Variants in MAGI1 observed in about 807,000 individuals in gnomAD.
MAGI1 encodes the protein membrane associated guanylate kinase, WW and PDZ domain containing 1.
In MAGI1, 58 loss-of-function variants were observed where a neutral mutation model predicts 139.9. That is an observed-to-expected ratio of 0.41 (90% CI 0.34 to 0.52). MAGI1 has a LOEUF of 0.52. Ranked by LOEUF, MAGI1 falls within the 20% of genes least tolerant of loss-of-function variation. The probability of loss-of-function intolerance (pLI) is 0.12; values close to 1 mark genes in which losing one functional copy is unlikely to be tolerated. For synonymous variants in MAGI1, 812 were observed against 737.9 expected, an observed-to-expected ratio of 1.10 and a Z score of -1.63; for missense variants, 1,874 against 1,901.6, an observed-to-expected ratio of 0.99 and a Z score of 0.27.
intron 1 of MAGI1, chr3:65,925,309 T>G (rs954057969): frequency 5.9e-5 from 9 of 152,346 alleles, no homozygotes; most frequent in South Asian, 2.1e-4. Context: ...GTAGTGTTTT[T>G]TTTTGTTTTG....
At chr3:65,425,758 A>G (rs1195940838) in intron 12 of MAGI1, among the ~76,000 whole-genome samples, 1 of 152,130 alleles carries the variant, frequency 6.6e-6, no homozygotes, top group Non-Finnish European at 1.5e-5. Context: ...CATTTTAAAG[A>G]GTGTCACACC....
At chr3:65,529,942 C>A (rs2078564279) in intron 2 of MAGI1, among the ~76,000 whole-genome samples, 1 of 152,148 alleles carries the variant, frequency 6.6e-6, no homozygotes, top group Non-Finnish European at 1.5e-5. Context: ...CTGATCTTGA[C>A]CCTCTCCCAC....
chr3:65,516,468 T>G (rs1340697945), intron 2 of MAGI1, among the ~76,000 whole-genome samples: 6 of 151,680 alleles, frequency 4.0e-5, no homozygotes, highest in Admixed American at 3.9e-4. Flanking sequence ...TGAGCCACCG[T>G]GCCTGGCCGA....
chr3:65,582,030 A>G (rs973632338), intron 2 of MAGI1, among the ~76,000 whole-genome samples: 1 of 152,196 alleles, frequency 6.6e-6, no homozygotes, highest in Non-Finnish European at 1.5e-5. Context: ...TAGATTCAAC[A>G]TGTAAAATGA....
intron 1 of MAGI1, among the ~76,000 whole-genome samples, chr3:65,891,159 G>A (rs564496068): frequency 2.0e-5 from 3 of 149,892 alleles, no homozygotes; most frequent in East Asian, 2.0e-4. Context: ...GATGCAGTGC[G>A]CCATTACACT....
chr3:65,915,547 G>A (rs2061858111), intron 1 of MAGI1, among the ~76,000 whole-genome samples: 1 of 152,104 alleles, frequency 6.6e-6, no homozygotes, highest in Non-Finnish European at 1.5e-5. Context: ...TAAAATCCCT[G>A]AAGAGACTGG....
At chr3:65,595,971 G>A (rs1347001254) in intron 2 of MAGI1, among the ~76,000 whole-genome samples, 5 of 152,162 alleles carry the variant, frequency 3.3e-5, no homozygotes, top group Non-Finnish European at 7.3e-5. Flanking sequence ...GAGGAATCGA[G>A]TCTCTGTTGA....
chr3:66,034,022 G>A lies in MAGI1; in HGVS notation c.313+3974C>T, dbSNP rs560061565. Among the ~76,000 whole-genome samples the A allele has an allele frequency of 3.3e-5, 5 of 152,258 alleles. No individual in the cohort carries two copies. The East Asian group carries it at 9.6e-4, about 29-fold the overall frequency. ...AGAACCCAGGTCACCTGTCTCATCTGATGTCATCTTCTCAATTTTGGTCTA... is the reference window on the plus strand; with the variant it reads ...AGAACCCAGGTCACCTGTCTCATCTAATGTCATCTTCTCAATTTTGGTCTA... On this transcript the variant is annotated intron_variant, in intron 1 of 22. Coordinates refer to ENST00000402939, the MANE Select transcript of MAGI1 (RefSeq NM_001033057.2).
chr3:65,808,135 G>C (rs544905790), intron 1 of MAGI1, among the ~76,000 whole-genome samples: 1 of 151,828 alleles, frequency 6.6e-6, no homozygotes, highest in South Asian at 2.1e-4. Flanking sequence ...ACAGGCATTC[G>C]CCACCACGCC....
At chr3:65,695,341 G>C (rs191669201) in intron 1 of MAGI1, among the ~76,000 whole-genome samples, 15 of 152,338 alleles carry the variant, frequency 9.8e-5, no homozygotes, top group African/African-American at 2.9e-4. Context: ...TCCCAGGGAG[G>C]TAAGACTTGC....
intron 1 of MAGI1, among the ~76,000 whole-genome samples, chr3:65,943,159 C>T (rs1415035657): frequency 6.6e-6 from 1 of 152,220 alleles, no homozygotes; most frequent in East Asian, 1.9e-4. Context: ...TTGCATTCGT[C>T]GTGCCAGATT....
At chr3:65,571,463 T>G (rs2080957749) in intron 2 of MAGI1, among the ~76,000 whole-genome samples, 1 of 152,096 alleles carries the variant, frequency 6.6e-6, no homozygotes, top group Non-Finnish European at 1.5e-5. Flanking sequence ...ATTGAATCCC[T>G]AGCTAAAATT....
At chr3:65,520,086 G>A (rs1432602268) in intron 2 of MAGI1, among the ~76,000 whole-genome samples, 1 of 152,152 alleles carries the variant, frequency 6.6e-6, no homozygotes, top group Non-Finnish European at 1.5e-5. Context: ...AAATGAGTTG[G>A]CCATCTTAGA....
At chr3:65,752,408 T>A (rs2036227141) in intron 1 of MAGI1, among the ~76,000 whole-genome samples, 1 of 152,214 alleles carries the variant, frequency 6.6e-6, no homozygotes, top group African/African-American at 2.4e-5. Flanking sequence ...AAATAATGCA[T>A]GGGAAAGTGC....
At position 65,359,573 on chromosome 3, in the gene MAGI1, T is replaced by C. The variant is rs185337267; in HGVS notation, c.3634+1626A>G. The C allele has an allele frequency of 6.5e-5, 64 of 978,070 alleles. No homozygotes were observed. In the Admixed American group the frequency reaches 1.6e-3, roughly 25 times the overall value. The allele number at this position is 978,070 out of a possible 1,614,324, so 60.6% of individuals were successfully genotyped here. On this transcript the variant is annotated intron_variant, in intron 22 of 22. Coordinates refer to ENST00000402939, the MANE Select transcript of MAGI1 (RefSeq NM_001033057.2). The stretch of plus-strand genomic sequence containing the variant: ...AAGTACAAAAAACTCATTACAAAAA[T>C]AGCCTCACAGAGAAGCAGGTTCCAA...
At chr3:65,668,553 CT>C (rs1348426775) in intron 1 of MAGI1, among the ~76,000 whole-genome samples, 96 of 134,750 alleles carry the variant, frequency 7.1e-4, no homozygotes, top group African/African-American at 2.5e-3. Context: ...CCATTTAGTC[CT>C]TTTTTTTCTT....
At chr3:65,402,685 A>T (rs1252647785) in intron 12 of MAGI1, among the ~76,000 whole-genome samples, 1 of 152,190 alleles carries the variant, frequency 6.6e-6, no homozygotes, top group African/African-American at 2.4e-5. Flanking sequence ...ACCATGAGCC[A>T]TGCTGAGTTC....
rs187608250 is a variant in MAGI1 at position 65,922,725 on chromosome 3, A to T, written c.313+115271T>A. 3.9e-4 allele frequency among the ~76,000 whole-genome samples: 60 copies of T among 152,344 alleles called. No individual in the cohort carries two copies. The South Asian group carries it at 5.4e-3, about 14-fold the overall frequency. Reference sequence around the variant, plus strand: ...CCTGAGAGGAGAACACGATGAATCAACGGAGCATTGCAATGCCAGCACTTC... The same window carrying T: ...CCTGAGAGGAGAACACGATGAATCATCGGAGCATTGCAATGCCAGCACTTC... On this transcript the variant is annotated intron_variant, in intron 1 of 22. Coordinates refer to ENST00000402939, the MANE Select transcript of MAGI1 (RefSeq NM_001033057.2).
At chr3:65,733,171 G>C (rs2034362627) in intron 1 of MAGI1, among the ~76,000 whole-genome samples, 1 of 152,122 alleles carries the variant, frequency 6.6e-6, no homozygotes, top group South Asian at 2.1e-4. Context: ...CAATTCTCCT[G>C]CCTCAGCCTC....
Sources: allele counts gnomAD v4.1 joint callset (sites outside exome capture counted in the v4.1 genomes callset), GRCh38; gene constraint gnomAD v4.1.1; transcripts MANE v1.5; gene names NCBI Gene and HGNC (gene_info 2026-07-23, HGNC 2026-07-21).